The following SMAD5 variants were observed in gnomAD, a reference collection of about 807,000 sequenced individuals.
The protein encoded by SMAD5 is SMAD family member 5.
A neutral mutation model predicts 43.1 loss-of-function variants in SMAD5; 9 were observed. That is an observed-to-expected ratio of 0.21 (90% CI 0.13 to 0.36). SMAD5 has a LOEUF of 0.36. Ranked by LOEUF, SMAD5 falls within the 10% of genes least tolerant of loss-of-function variation. The pLI is 1.00. For synonymous variants in SMAD5, 190 were observed against 192.4 expected (o/e 0.99, Z 0.10); for missense variants, 348 against 574.0 (o/e 0.61, Z 4.02).
In SMAD5 at chr5:136,132,914, G is replaced by A. The variant is rs143119719; in HGVS notation, c.-293G>A. ...CGAGCTGCTAATAAAGTTGCAGCGAGGAGAAGCGCAGCGACGGCGTCGGGA... is the reference window on the plus strand; with the variant it reads ...CGAGCTGCTAATAAAGTTGCAGCGAAGAGAAGCGCAGCGACGGCGTCGGGA... On this transcript the variant is annotated 5_prime_UTR_variant, in exon 1 of 8. Coordinates refer to ENST00000545279, the MANE Select transcript of SMAD5 (RefSeq NM_005903.7). 8.9e-3 allele frequency: 1,352 copies of A among 152,398 alleles called. 11 individuals carry two copies. The highest frequency in any genetic ancestry group is 0.014 in the Non-Finnish European group (947 of 68,064). The allele number at this position is 152,398 out of a possible 1,614,324, so 9.4% of individuals were successfully genotyped here. A position where few individuals can be genotyped will look rare whatever the true frequency, so the allele number is the denominator to read the frequency against.
rs970375497 is a variant in SMAD5, at chr5:136,179,671, T to C, written c.*2191T>C. The stretch of plus-strand genomic sequence containing the variant: ...CTGAGCCTTAAATGTAAGTATTACA[T>C]GACATGCATTCTGTTTCTTCCAGAG... On this transcript the variant is annotated 3_prime_UTR_variant, in exon 8 of 8. Transcript: ENST00000545279. 3 of 152,266 alleles carry C rather than the reference T, an allele frequency of 2.0e-5. No homozygotes were observed. Among genetic ancestry groups the C allele is most frequent in the African/African-American group, 7.2e-5 (3 of 41,476 alleles). 9.4% of individuals were successfully genotyped at this position (152,266 alleles called of 1,614,324 possible). A position where few individuals can be genotyped will look rare whatever the true frequency, so the allele number is the denominator to read the frequency against.
intron 1 of SMAD5, among the ~76,000 whole-genome samples, chr5:136,139,050 C>CA (rs1752981401): frequency 2.6e-5 from 4 of 152,038 alleles, no homozygotes. Flanking sequence ...TTTCAGATTG[C>CA]AGCAGTCATA....
intron 3 of SMAD5, among the ~76,000 whole-genome samples, chr5:136,156,297 TGTTG>T (rs1299564458): frequency 6.6e-6 from 1 of 152,206 alleles, no homozygotes; most frequent in African/African-American, 2.4e-5. Context: ...TGCCATATTC[TGTTG>T]GTTAGAAGGA....
chr5:136,147,089 A>G (rs991554626), intron 1 of SMAD5, among the ~76,000 whole-genome samples: 5 of 151,736 alleles, frequency 3.3e-5, no homozygotes, highest in Non-Finnish European at 5.9e-5. Flanking sequence ...TTAAGGAAAA[A>G]TATTTTTTAA....
At position 136,178,182 on chromosome 5, in the gene SMAD5, C is replaced by G. The variant is rs980044029; in HGVS notation, c.*702C>G. ...AAAAATTTTTGCAAATAACTGATCT[C>G]AAGTATATGTCATTTACTCAAAATC... On this transcript the variant is annotated 3_prime_UTR_variant, in exon 8 of 8. Transcript: ENST00000545279. The G allele has an allele frequency of 6.6e-6, 1 of 152,632 alleles. No homozygotes were observed. The highest frequency in any genetic ancestry group is 1.5e-5 in the Non-Finnish European group (1 of 68,038). 9.5% of individuals were successfully genotyped at this position (152,632 alleles called of 1,614,324 possible). A position where few individuals can be genotyped will look rare whatever the true frequency, so the allele number is the denominator to read the frequency against.
chr5:136,172,939 G>T (rs1347232944), intron 6 of SMAD5: 2 of 401,282 alleles, frequency 5.0e-6, no homozygotes, highest in African/African-American at 2.0e-5. Context: ...ACAGGAACTT[G>T]CTTTGTTCAC....
chr5:136,174,636 A>G lies in SMAD5; in HGVS notation c.1254+4A>G. ...CATTCGGATGAGTTTTGTCAAGGTGAGTTGTGACCTCTAACATAATTTGAG... is the reference window on the plus strand; with the variant it reads ...CATTCGGATGAGTTTTGTCAAGGTGGGTTGTGACCTCTAACATAATTTGAG... On this transcript the variant is annotated splice_donor_region_variant and intron_variant, in intron 7 of 7. Coordinates refer to ENST00000545279, the MANE Select transcript of SMAD5 (RefSeq NM_005903.7). 5.6e-6 allele frequency: 9 copies of G among 1,600,138 alleles called. No individual in the cohort carries two copies. The highest frequency in any genetic ancestry group is 7.7e-6 in the Non-Finnish European group (9 of 1,167,742).
intron 1 of SMAD5, among the ~76,000 whole-genome samples, chr5:136,137,795 G>A (rs1278601752): frequency 6.6e-6 from 1 of 152,202 alleles, no homozygotes; most frequent in African/African-American, 2.4e-5. Context: ...CACTAGAGCT[G>A]AAAAGTTACC....
chr5:136,154,276 A>T, intron 3 of SMAD5, 113 bp downstream of exon 3: 3 of 665,200 alleles, frequency 4.5e-6, no homozygotes, highest in Non-Finnish European at 6.9e-6. Flanking sequence ...TTGTGTTTCC[A>T]TCTTAAATAT....
In SMAD5 at chr5:136,154,048, G is replaced by A. The variant is rs751897671; in HGVS notation, c.288G>A (p.Pro96=). 19 of 1,605,386 alleles carry A rather than the reference G, an allele frequency of 1.2e-5. No homozygotes were observed. In the East Asian group the frequency reaches 1.3e-4, roughly 11 times the overall value. The change falls in exon 3 of 8, where the codon CCG becomes CCA. Residue 96 remains proline, a synonymous_variant. Transcript: ENST00000545279. ...HVIYCRVWRW[P]DLQSHHELKP... is the part of the protein sequence containing the mutation. ...TATATTGTCGTGTTTGGCGCTGGCCGGATTTGCAGAGTCATCATGAGCTAA... is the reference window on the plus strand; with the variant it reads ...TATATTGTCGTGTTTGGCGCTGGCCAGATTTGCAGAGTCATCATGAGCTAA...
intron 1 of SMAD5, among the ~76,000 whole-genome samples, chr5:136,135,826 C>T (rs1752854028): frequency 6.6e-6 from 1 of 152,160 alleles, no homozygotes; most frequent in Admixed American, 6.5e-5. Flanking sequence ...GTTTTTACTT[C>T]TAGACGATCT....
At position 136,137,901 on chromosome 5, in the gene SMAD5, A is replaced by G. The variant is rs147825003; in HGVS notation, c.-245+4939A>G. On this transcript the variant is annotated intron_variant, in intron 1 of 7. Transcript: ENST00000545279. Reference sequence around the variant, plus strand: ...GAACATCTTCATAATGCACTGTAATATATGTCGTGTACACAGGTTAGCTCT... The same window carrying G: ...GAACATCTTCATAATGCACTGTAATGTATGTCGTGTACACAGGTTAGCTCT... Among the ~76,000 whole-genome samples, 6 of 152,344 alleles carry G rather than the reference A, an allele frequency of 3.9e-5. No individual in the cohort carries two copies. The East Asian group carries it at 1.2e-3, about 29-fold the overall frequency.
chr5:136,173,013 A>G (rs1754280916), intron 6 of SMAD5, among the ~76,000 whole-genome samples: 1 of 152,202 alleles, frequency 6.6e-6, no homozygotes, highest in Non-Finnish European at 1.5e-5. Context: ...TTTATGGAAT[A>G]TTGTGTATGA....
At chr5:136,151,874 C>T (rs1753479866) in intron 2 of SMAD5, among the ~76,000 whole-genome samples, 1 of 152,058 alleles carries the variant, frequency 6.6e-6, no homozygotes, top group African/African-American at 2.4e-5. Flanking sequence ...CATGGTTTTA[C>T]TTCCTGACCC....
Position 136,177,975 on chromosome 5 carries a change from T to G in SMAD5, c.*495T>G, listed in dbSNP as rs1161632453. On this transcript the variant is annotated 3_prime_UTR_variant, in exon 8 of 8. Coordinates refer to ENST00000545279, the MANE Select transcript of SMAD5 (RefSeq NM_005903.7). ...TTTGCAAAAGTGTATGGTAGGGGCT[T>G]AAAAGAAACTATAAAGTTTTATTTG... is the stretch of plus-strand genomic sequence containing the variant. 6.5e-6 allele frequency: 1 copy of G among 153,234 alleles called. No homozygotes were observed. The highest frequency in any genetic ancestry group is 1.5e-5 in the Non-Finnish European group (1 of 68,720). 9.5% of individuals were successfully genotyped at this position (153,234 alleles called of 1,614,324 possible). A position where few individuals can be genotyped will look rare whatever the true frequency, so the allele number is the denominator to read the frequency against.
At chr5:136,162,027 C>T (rs1259809531) in intron 4 of SMAD5, among the ~76,000 whole-genome samples, 1 of 152,108 alleles carries the variant, frequency 6.6e-6, no homozygotes, top group East Asian at 1.9e-4. Flanking sequence ...TAAGAAAGAT[C>T]AATAAAAACA....
At chr5:136,158,321 C>T (rs1753709723) in intron 3 of SMAD5, among the ~76,000 whole-genome samples, 1 of 152,000 alleles carries the variant, frequency 6.6e-6, no homozygotes, top group South Asian at 2.1e-4. Flanking sequence ...ATATAAAGGA[C>T]TAGAAATCAG....
Position 136,163,389 on chromosome 5 carries a change from G to T in SMAD5, c.773G>T (p.Arg258Met). ...CAGATTATGCCCAGTATATCCAGCA[G>T]GGGTAAGAGAAGTACTCACTTCATT... ...IPQIMPSISS[R>M]DVQPVAYEEP... Residue 258 changes from arginine to methionine, a missense_variant and splice_region_variant, in exon 5 of 8, where the codon AGG becomes ATG. Arg to Met is a moderately conservative substitution (Grantham distance 91). Transcript: ENST00000545279. 6.2e-7 allele frequency: 1 copy of T among 1,602,202 alleles called. No individual in the cohort carries two copies. Among genetic ancestry groups the T allele is most frequent in the South Asian group, 1.1e-5 (1 of 88,064 alleles).
rs749213670 is a variant in SMAD5 at position 136,154,078 on chromosome 5, G to A, written c.318G>A (p.Pro106=). The A allele has an allele frequency of 1.9e-5, 30 of 1,599,102 alleles. No homozygotes were observed. Among genetic ancestry groups the A allele is most frequent in the Admixed American group, 5.2e-5 (3 of 57,218 alleles). ...PDLQSHHELK[P]LDICEFPFGS... The stretch of plus-strand genomic sequence containing the variant: ...TGCAGAGTCATCATGAGCTAAAGCC[G>A]TTGGATATTTGTGAATTTCCTTTTG... Residue 106 remains proline (P), a synonymous_variant, in exon 3 of 8, where the codon CCG becomes CCA. Coordinates refer to ENST00000545279, the MANE Select transcript of SMAD5 (RefSeq NM_005903.7).
Sources: allele counts gnomAD v4.1 joint callset (sites outside exome capture counted in the v4.1 genomes callset), GRCh38; gene constraint gnomAD v4.1.1; transcripts MANE v1.5; gene names NCBI Gene and HGNC (gene_info 2026-07-23, HGNC 2026-07-21).